LMNTD1: variants seen among roughly 807,000 people sequenced by gnomAD.
LMNTD1 encodes the protein lamin tail domain-containing protein 1.
In LMNTD1, 35 loss-of-function variants were observed where a neutral mutation model predicts 50.9. The ratio of observed to expected loss-of-function variants is 0.69; its 90% CI spans 0.53 to 0.91. LMNTD1 has a LOEUF of 0.91. Ranked by LOEUF, LMNTD1 falls within the 40% of genes least tolerant of loss-of-function variation. The pLI is 0.00. For missense variants in LMNTD1, 470 were observed against 475.5 expected (o/e 0.99, Z 0.11); for synonymous variants, 153 against 161.9 (o/e 0.94, Z 0.42).
chr12:25,642,280 C>A (rs1397426352), intron 1 of LMNTD1, among the ~76,000 whole-genome samples: 1 of 152,140 alleles, frequency 6.6e-6, no homozygotes, highest in African/African-American at 2.4e-5. Flanking sequence ...AAGGTGGAAC[C>A]TTCGGAGGGT....
intron 1 of LMNTD1, among the ~76,000 whole-genome samples, chr12:25,615,793 C>G (rs556181913): frequency 6.6e-6 from 1 of 152,108 alleles, no homozygotes; most frequent in Non-Finnish European, 1.5e-5. Flanking sequence ...ATAATTAGAA[C>G]TTGAGTTGTC....
chr12:25,619,248 C>CTA (rs1256778114), intron 1 of LMNTD1, among the ~76,000 whole-genome samples: 60 of 78,520 alleles, frequency 7.6e-4, no homozygotes, highest in African/African-American at 2.2e-3. Flanking sequence ...CTCTCTCTCT[C>CTA]TCTCTATATA....
intron 8 of LMNTD1, among the ~76,000 whole-genome samples, chr12:25,510,830 G>A (rs1020532096): frequency 2.6e-5 from 4 of 152,068 alleles, no homozygotes; most frequent in Non-Finnish European, 4.4e-5. Context: ...TATGTGTCAT[G>A]TACTGAGTTT....
chr12:25,648,381 A>G (rs1184125888), intron 1 of LMNTD1: 6 of 801,422 alleles, frequency 7.5e-6, no homozygotes, highest in Non-Finnish European at 1.3e-5. Context: ...CTTATATCTC[A>G]GTGATGACAG....
chr12:25,497,904 C>G (rs1283820025), intron 9 of LMNTD1: 1 of 152,034 alleles, frequency 6.6e-6, no homozygotes, highest in African/African-American at 2.4e-5. Flanking sequence ...ATGAATTTCT[C>G]TTCATGGTCA....
At chr12:25,556,419 T>C (rs1274650398), upstream of LMNTD1, among the ~76,000 whole-genome samples, 1 of 152,200 alleles carries the variant, frequency 6.6e-6, no homozygotes, top group Non-Finnish European at 1.5e-5. Flanking sequence ...TTTAGTCTCA[T>C]CCATCTATTA....
intron 1 of LMNTD1, among the ~76,000 whole-genome samples, chr12:25,617,860 C>A (rs962159657): frequency 2.6e-5 from 4 of 152,156 alleles, no homozygotes; most frequent in Non-Finnish European, 4.4e-5. Context: ...TTTTGCAGAG[C>A]AGGTGAAATC....
rs1946203610 is a variant in LMNTD1 at position 25,609,877 on chromosome 12, G to A, written c.58+38617C>T. Among the ~76,000 whole-genome samples the A allele has an allele frequency of 2.6e-5, 4 of 152,222 alleles. No individual in the cohort carries two copies. The South Asian group carries it at 8.3e-4, about 32-fold the overall frequency. The stretch of plus-strand genomic sequence containing the variant: ...TGGGAGAACCACTGCTCTCTTCAGA[G>A]CTGTCAGACAGGGATGTTTAAGTCT... On this transcript the variant is annotated intron_variant, in intron 1 of 7. Coordinates refer to the LMNTD1 transcript ENST00000445693.
chr12:25,581,520 T>C (rs900977605), intron 1 of LMNTD1, among the ~76,000 whole-genome samples: 2 of 152,122 alleles, frequency 1.3e-5, no homozygotes, highest in South Asian at 2.1e-4. Context: ...GAAGCCATTA[T>C]TTTTCAAATA....
chr12:25,545,801 T>C (rs1943393504), intron 4 of LMNTD1, among the ~76,000 whole-genome samples: 1 of 151,686 alleles, frequency 6.6e-6, no homozygotes, highest in Non-Finnish European at 1.5e-5. Context: ...TGATTTCTTT[T>C]AGCCATCTAA....
intron 4 of LMNTD1, among the ~76,000 whole-genome samples, chr12:25,529,150 G>A (rs1942036704): frequency 6.6e-6 from 1 of 151,850 alleles, no homozygotes; most frequent in South Asian, 2.1e-4. Flanking sequence ...CAACTGTTTT[G>A]CCTCTATCAG....
intron 1 of LMNTD1, among the ~76,000 whole-genome samples, chr12:25,626,974 T>C (rs1285472406): frequency 6.6e-6 from 1 of 152,206 alleles, no homozygotes; most frequent in Admixed American, 6.5e-5. Context: ...TTTTATAGAA[T>C]AGTAGTAAAT....
intron 8 of LMNTD1, among the ~76,000 whole-genome samples, chr12:25,504,100 A>C (rs1450189508): frequency 6.6e-6 from 1 of 152,266 alleles, no homozygotes; most frequent in Non-Finnish European, 1.5e-5. Flanking sequence ...TAATTAGTCA[A>C]AATTTTGGGA....
At chr12:25,529,914 C>T (rs1942101970) in intron 4 of LMNTD1, among the ~76,000 whole-genome samples, 1 of 152,122 alleles carries the variant, frequency 6.6e-6, no homozygotes, top group African/African-American at 2.4e-5. Context: ...TAAAGAATTC[C>T]TTGCAAGAGC....
At chr12:25,529,545 C>A (rs189011054) in intron 4 of LMNTD1, among the ~76,000 whole-genome samples, 5 of 152,288 alleles carry the variant, frequency 3.3e-5, no homozygotes. Flanking sequence ...ATCCTTCATT[C>A]CTTATTCGTG....
rs139917497 is a variant in LMNTD1 at position 25,635,689 on chromosome 12, G to A, written c.58+12805C>T. Among the ~76,000 whole-genome samples, 108 of 152,148 alleles carry A rather than the reference G, an allele frequency of 7.1e-4. 1 individual carries two copies. Among genetic ancestry groups the A allele is most frequent in the African/African-American group, 2.4e-3 (101 of 41,522 alleles). On this transcript the variant is annotated intron_variant, in intron 1 of 7. Transcript: ENST00000445693. Reference sequence around the variant, plus strand: ...GCCCACGTAGCCAAAGGAAGACTAAGCAAAAAGAACAAATCTGGAAGCATC... The same window carrying A: ...GCCCACGTAGCCAAAGGAAGACTAAACAAAAAGAACAAATCTGGAAGCATC...
intron 1 of LMNTD1, among the ~76,000 whole-genome samples, chr12:25,561,613 C>A (rs141940754): frequency 3.5e-4 from 53 of 152,144 alleles, no homozygotes; most frequent in Admixed American, 7.9e-4. Context: ...AGAATGTATA[C>A]TCTGTTGATT....
At chr12:25,631,156 T>C (rs1946710445) in intron 1 of LMNTD1, among the ~76,000 whole-genome samples, 1 of 151,822 alleles carries the variant, frequency 6.6e-6, no homozygotes, top group African/African-American at 2.4e-5. Context: ...CCAAGGAGAC[T>C]CTGAGCTCAG....
At chr12:25,479,907 G>A (rs4963622) in intron 9 of LMNTD1, among the ~76,000 whole-genome samples, 99,571 of 152,082 alleles carry the variant, frequency 0.65, 33,040 homozygotes, top group East Asian at 0.95. Flanking sequence ...AGCAGTGGCC[G>A]TAGCCATGTC....
Sources: allele counts gnomAD v4.1 joint callset (sites outside exome capture counted in the v4.1 genomes callset), GRCh38; gene constraint gnomAD v4.1.1; transcripts MANE v1.5; gene names NCBI Gene and HGNC (gene_info 2026-07-23, HGNC 2026-07-21).